The following PICALM variants were observed in gnomAD, a reference collection of about 807,000 sequenced individuals.
The protein encoded by PICALM is phosphatidylinositol binding clathrin assembly protein, also known as phosphatidylinositol-binding clathrin assembly protein.
In PICALM, 40 loss-of-function variants were observed where a neutral mutation model predicts 80.5. That is an observed-to-expected ratio of 0.50 (90% CI 0.39 to 0.65). The LOEUF (loss-of-function observed/expected upper bound fraction) is 0.65. Ranked by LOEUF, PICALM falls within the 30% of genes least tolerant of loss-of-function variation. The probability of loss-of-function intolerance (pLI) is 0.00; values close to 1 mark genes in which losing one functional copy is unlikely to be tolerated. For missense variants in PICALM, 676 were observed against 778.9 expected (o/e 0.87, Z 1.57); for synonymous variants, 288 against 260.3 (o/e 1.11, Z -1.02).
At chr11:86,016,940 G>A (rs1249027433) in intron 4 of PICALM, among the ~76,000 whole-genome samples, 2 of 152,156 alleles carry the variant, frequency 1.3e-5, no homozygotes, top group Non-Finnish European at 2.9e-5. Context: ...TGTTGGCTAA[G>A]GCTGGGCGCG....
chr11:86,058,899 A>G (rs1213218296), intron 1 of PICALM, among the ~76,000 whole-genome samples: 1 of 152,230 alleles, frequency 6.6e-6, no homozygotes, highest in African/African-American at 2.4e-5. Flanking sequence ...CTTAAAAATT[A>G]CATTCCTAAT....
At chr11:86,038,739 G>A (rs988222363) in intron 1 of PICALM, among the ~76,000 whole-genome samples, 7 of 148,024 alleles carry the variant, frequency 4.7e-5, no homozygotes, top group African/African-American at 1.8e-4. Context: ...ATCACACCAC[G>A]GCACTCCAGC....
Position 86,006,401 on chromosome 11 carries a change from A to T in PICALM, c.807+1141T>A, listed in dbSNP as rs148255064. ...GGTGGTTCACGCCTGTAATCCCAAC[A>T]CTTTCGGAAGCCTAGGCGGGCAGAT... is the stretch of plus-strand genomic sequence containing the variant. On this transcript the variant is annotated intron_variant, in intron 8 of 19. Transcript: ENST00000393346. 3.1e-3 allele frequency among the ~76,000 whole-genome samples: 470 copies of T among 152,258 alleles called. 3 individuals carry two copies. Among genetic ancestry groups the T allele is most frequent in the African/African-American group, 0.011 (453 of 41,560 alleles).
intron 19 of PICALM, among the ~76,000 whole-genome samples, chr11:85,963,705 C>T (rs1346290037): frequency 6.6e-6 from 1 of 152,026 alleles, no homozygotes; most frequent in Admixed American, 6.6e-5. Flanking sequence ...AAAATGTTAC[C>T]AAAATCTTTG....
intron 4 of PICALM, among the ~76,000 whole-genome samples, chr11:86,019,804 T>C (rs939102325): frequency 2.0e-5 from 3 of 152,252 alleles, no homozygotes; most frequent in Non-Finnish European, 4.4e-5. Flanking sequence ...CTCTATATTT[T>C]AATTAAATTT....
At position 86,059,769 on chromosome 11, in the gene PICALM, A is replaced by C. The variant is rs143995841; in HGVS notation, c.130+8882T>G. Among the ~76,000 whole-genome samples, 482 of 152,286 alleles carry C rather than the reference A, an allele frequency of 3.2e-3. 3 individuals are homozygous for C. Among genetic ancestry groups the C allele is most frequent in the African/African-American group, 0.011 (465 of 41,562 alleles). On this transcript the variant is annotated intron_variant, in intron 1 of 19. Transcript: ENST00000393346. ...AGAGCCAGACCCTGTCTTTAGTCCA[A>C]GGAATCATATGTGCAAAGGCTAACG...
At chr11:85,977,979 A>C in intron 17 of PICALM, 1 of 924,936 alleles carries the variant, frequency 1.1e-6, no homozygotes, top group Non-Finnish European at 1.8e-6. Context: ...ATGTGAAAAC[A>C]AGTAATAGCT....
chr11:85,983,205 C>A (rs906020919), intron 14 of PICALM, among the ~76,000 whole-genome samples: 1 of 152,242 alleles, frequency 6.6e-6, no homozygotes, highest in South Asian at 2.1e-4. Context: ...AAGTTAATTA[C>A]TAACCAAAAT....
chr11:86,028,646 C>T lies in PICALM; in HGVS notation c.274-2279G>A, dbSNP rs796784516. 3.9e-4 allele frequency among the ~76,000 whole-genome samples: 59 copies of T among 152,090 alleles called. 1 individual carries two copies. Among genetic ancestry groups the T allele is most frequent in the African/African-American group, 1.3e-3 (52 of 41,472 alleles). ...CCAGAAGTGACTTACCCAAGTCACC[C>T]AGTTGGTAAGTGAACAACAGTATAA... On this transcript the variant is annotated intron_variant, in intron 2 of 19. Coordinates refer to ENST00000393346, the MANE Select transcript of PICALM (RefSeq NM_007166.4).
intron 18 of PICALM, among the ~76,000 whole-genome samples, chr11:85,975,750 C>T (rs963108623): frequency 5.3e-5 from 8 of 152,124 alleles, no homozygotes; most frequent in Non-Finnish European, 8.8e-5. Flanking sequence ...GTGTGCGCCA[C>T]CATACCCAGC....
At chr11:86,065,446 A>C (rs1006140874) in intron 1 of PICALM, among the ~76,000 whole-genome samples, 37 of 147,486 alleles carry the variant, frequency 2.5e-4, no homozygotes, top group Non-Finnish European at 4.3e-4. Context: ...CGTCTCAAAA[A>C]AAAAAAAAAT....
chr11:86,026,562 A>G (rs1242370513), intron 2 of PICALM, among the ~76,000 whole-genome samples, 195 bp from the exon 3 acceptor site: 1 of 152,164 alleles, frequency 6.6e-6, no homozygotes, highest in Non-Finnish European at 1.5e-5. Flanking sequence ...GCGAGAATTT[A>G]TTAAAGCCTA....
At position 86,068,104 on chromosome 11, in the gene PICALM, G is replaced by A. The variant is rs373969315; in HGVS notation, c.130+547C>T. ...AGCAGGAGGGAAGGTGGAACAGAAA[G>A]CCAGGAAGGGATGGGCGAAGCAGCT... On this transcript the variant is annotated intron_variant, in intron 1 of 19. Coordinates refer to ENST00000393346, the MANE Select transcript of PICALM (RefSeq NM_007166.4). 3.0e-3 allele frequency among the ~76,000 whole-genome samples: 451 copies of A among 152,334 alleles called. 3 individuals carry two copies. The highest frequency in any genetic ancestry group is 0.01 in the African/African-American group (433 of 41,576).
intron 1 of PICALM, among the ~76,000 whole-genome samples, chr11:86,039,953 G>A (rs1039636105): frequency 7.1e-6 from 1 of 141,568 alleles, no homozygotes; most frequent in Non-Finnish European, 1.5e-5. Context: ...GCAGTGAGCC[G>A]AGATCGCGCC....
At chr11:85,963,627 G>A (rs2135338073) in intron 19 of PICALM, among the ~76,000 whole-genome samples, 1 of 152,308 alleles carries the variant, frequency 6.6e-6, no homozygotes, top group South Asian at 2.1e-4. Flanking sequence ...AGTGGTTGAT[G>A]ATAGTATCTC....
chr11:86,031,662 T>A (rs2095753856), intron 1 of PICALM, 51 bp from the exon 2 acceptor site: 1 of 1,345,198 alleles, frequency 7.4e-7, no homozygotes, highest in Admixed American at 1.8e-5. Context: ...TTTTAATTTA[T>A]TGTTAATACC....
chr11:86,068,719 G>A lies in PICALM; in HGVS notation c.62C>T (p.Ala21Val), dbSNP rs187561271. 1.2e-6 allele frequency: 2 copies of A among 1,613,122 alleles called. No individual in the cohort carries two copies. Among genetic ancestry groups the A allele is most frequent in the Non-Finnish European group, 8.5e-7 (1 of 1,179,782 alleles). Residue 21 changes from alanine (A) to valine (V), a missense_variant, in exon 1 of 20, where the codon GCC (alanine) becomes GTC (valine). Ala to Val is a moderately conservative substitution (Grantham distance 64). This residue lies in a region of PICALM where 285 missense variants were observed against 395.4 expected (regional missense o/e 0.72). Coordinates refer to ENST00000393346, the MANE Select transcript of PICALM (RefSeq NM_007166.4). ...TAAQHSVTGS[A>V]VSKTVCKATT... Reference sequence around the variant, plus strand: ...GGCCTTGCATACTGTCTTGGATACGGCAGAGCCGGTGACACTGTGCTGGGC... The same window carrying A: ...GGCCTTGCATACTGTCTTGGATACGACAGAGCCGGTGACACTGTGCTGGGC...
chr11:86,062,890 C>G (rs533203556), intron 1 of PICALM, among the ~76,000 whole-genome samples: 1 of 152,252 alleles, frequency 6.6e-6, no homozygotes, highest in East Asian at 1.9e-4. Flanking sequence ...AACGGAAATG[C>G]CACTTTAGCT....
intron 1 of PICALM, among the ~76,000 whole-genome samples, chr11:86,068,217 T>C (rs557684621): frequency 4.6e-5 from 7 of 152,208 alleles, no homozygotes; most frequent in African/African-American, 1.7e-4. Flanking sequence ...AGGCGTTTAC[T>C]GAAACCCGAA....
Sources: gnomAD v4.1 joint callset for allele counts (sites outside exome capture counted in the v4.1 genomes callset) on GRCh38, gnomAD v4.1.1 for gene constraint, gnomAD v4.1.1 regional missense constraint, MANE v1.5 for transcripts, NCBI Gene and HGNC (gene_info 2026-07-23, HGNC 2026-07-21) for gene names.